Variants in NACC2 observed in about 807,000 individuals in gnomAD.
NACC2 encodes NACC family member 2, also known as nucleus accumbens-associated protein 2.
Under a neutral mutation model 25.1 loss-of-function variants are expected in NACC2, and 8 were observed. That is an observed-to-expected ratio of 0.32 (90% CI 0.19 to 0.57). The LOEUF is 0.57. NACC2 is among the 20% of genes least tolerant of loss of function. The pLI is 0.89. For missense variants in NACC2, 644 were observed against 650.2 expected (o/e 0.99, Z 0.10); for synonymous variants, 435 against 294.7 (o/e 1.48, Z -4.88).
intron 1 of NACC2, among the ~76,000 whole-genome samples, chr9:136,062,923 A>G (rs765504532): frequency 1.3e-5 from 2 of 152,208 alleles, no homozygotes; most frequent in Non-Finnish European, 2.9e-5. Context: ...TCTCTAAATA[A>G]GTAAATAAAT....
chr9:136,015,820 G>A (rs1840191331), intron 3 of NACC2, among the ~76,000 whole-genome samples: 1 of 152,214 alleles, frequency 6.6e-6, no homozygotes, highest in East Asian at 1.9e-4. Context: ...CAACACAAAA[G>A]GTAAATTCCT....
At chr9:136,091,769 G>C (rs571978870) in intron 1 of NACC2, among the ~76,000 whole-genome samples, 1 of 152,234 alleles carries the variant, frequency 6.6e-6, no homozygotes, top group East Asian at 1.9e-4. Context: ...CCAGCCAGGA[G>C]GCATATTTTA....
intron 2 of NACC2, among the ~76,000 whole-genome samples, chr9:136,034,862 G>A (rs1468675258): frequency 6.6e-6 from 1 of 152,168 alleles, no homozygotes; most frequent in Non-Finnish European, 1.5e-5. Flanking sequence ...GGAAGGCACT[G>A]GCGGGCCGAT....
chr9:136,081,778 G>C (rs1193596472), intron 1 of NACC2, among the ~76,000 whole-genome samples: 1 of 152,032 alleles, frequency 6.6e-6, no homozygotes, highest in African/African-American at 2.4e-5. Context: ...CCCTGACCAA[G>C]CTCCCTCTAC....
rs1364787156 is a variant in NACC2, at chr9:136,018,886, C to T, written c.887-2457G>A. Among the ~76,000 whole-genome samples the T allele has an allele frequency of 6.6e-6, 1 of 152,146 alleles. No individual in the cohort carries two copies. The highest frequency in any genetic ancestry group is 2.4e-5 in the African/African-American group (1 of 41,416). On this transcript the variant is annotated intron_variant, in intron 2 of 5. Coordinates refer to ENST00000277554, the MANE Select transcript of NACC2 (RefSeq NM_144653.5). This position sits in a 1 kb window ranked among gnomAD's most constrained non-coding sequence, Gnocchi z 4.4. ...CGTGGCATTTACATAAAGAGTTCAC[C>T]AACAGAAATAATTCCCCATCCACAA...
rs1333142874 is a variant in NACC2, at chr9:136,074,773, G to A, written c.-60+20416C>T. ...CTGTGACTCCCAGAGGGCCCATGTC[G>A]GTGGTCACATTCTGTTCCCAGCTCA... is the stretch of plus-strand genomic sequence containing the variant. On this transcript the variant is annotated intron_variant, in intron 1 of 5. Transcript: ENST00000277554. Among the ~76,000 whole-genome samples, 5 of 152,062 alleles carry A rather than the reference G, an allele frequency of 3.3e-5. No homozygotes were observed. In the East Asian group the frequency reaches 5.8e-4, roughly 18 times the overall value.
At chr9:136,030,089 G>A (rs373614816) in intron 2 of NACC2, among the ~76,000 whole-genome samples, 1 of 152,260 alleles carries the variant, frequency 6.6e-6, no homozygotes, top group East Asian at 1.9e-4. Context: ...TAGCCAGGCT[G>A]GTCTTGAACT....
Position 136,033,997 on chromosome 9 carries a change from G to A in NACC2, c.886+15639C>T, listed in dbSNP as rs1046762196. Reference sequence around the variant, plus strand: ...TATGAAAATGCAAAAAATAGCCAACGCAAGGCAAATCATAAGGAACTCAAA... The same window carrying A: ...TATGAAAATGCAAAAAATAGCCAACACAAGGCAAATCATAAGGAACTCAAA... On this transcript the variant is annotated intron_variant, in intron 2 of 5. Coordinates refer to ENST00000277554, the MANE Select transcript of NACC2 (RefSeq NM_144653.5). Among the ~76,000 whole-genome samples the A allele has an allele frequency of 5.8e-4, 87 of 150,638 alleles. 1 individual carries two copies. Among genetic ancestry groups the A allele is most frequent in the Admixed American group, 1.5e-3 (23 of 15,032 alleles).
intron 2 of NACC2, among the ~76,000 whole-genome samples, chr9:136,046,749 G>A (rs975673018): frequency 1.1e-4 from 17 of 152,214 alleles, no homozygotes; most frequent in African/African-American, 4.1e-4. Context: ...CCTTCTGACG[G>A]GTGGTGACGC....
intron 1 of NACC2, among the ~76,000 whole-genome samples, chr9:136,082,037 G>A (rs1023096394): frequency 4.6e-5 from 7 of 152,276 alleles, no homozygotes; most frequent in African/African-American, 1.4e-4. Context: ...CAACCTCACT[G>A]GGCCCATTTC....
Position 136,013,165 on chromosome 9 carries a change from G to GCCCCCCCCCC in NACC2, c.1255+33_1255+34insGGGGGGGGGG. 84 of 706,738 alleles carry GCCCCCCCCCC rather than the reference G, an allele frequency of 1.2e-4. No individual in the cohort carries two copies. Among genetic ancestry groups the GCCCCCCCCCC allele is most frequent in the South Asian group, 2.9e-4 (21 of 71,700 alleles). The allele number at this position is 706,738 out of a possible 1,614,324, so 43.8% of individuals were successfully genotyped here. A position where few individuals can be genotyped will look rare whatever the true frequency, so the allele number is the denominator to read the frequency against. On this transcript the variant is annotated intron_variant, in intron 5 of 5. Transcript: ENST00000277554. This position sits in a 1 kb window ranked among gnomAD's most constrained non-coding sequence, Gnocchi z 6.6. ...AGGCTGGGATCTGAACCCAGCCCCGGCCCCACCCACCCGAGAGACCCCCAG... is the reference window on the plus strand; with the variant it reads ...AGGCTGGGATCTGAACCCAGCCCCGGCCCCCCCCCCCCCCACCCACCCGAGAGACCCCCAG...
intron 2 of NACC2, among the ~76,000 whole-genome samples, chr9:136,037,562 C>G (rs1013084730): frequency 1.7e-4 from 26 of 149,956 alleles, no homozygotes; most frequent in African/African-American, 5.9e-4. Flanking sequence ...GGCTGGAGTA[C>G]AGTGGTGCAA....
chr9:136,080,705 T>C (rs1830313627), intron 1 of NACC2, among the ~76,000 whole-genome samples: 1 of 151,428 alleles, frequency 6.6e-6, no homozygotes, highest in South Asian at 2.1e-4. Flanking sequence ...GGTCGTGGAG[T>C]GTGGGTTAGC....
chr9:136,039,829 C>T (rs1431208627), intron 2 of NACC2, among the ~76,000 whole-genome samples: 2 of 151,928 alleles, frequency 1.3e-5, no homozygotes, highest in African/African-American at 4.8e-5. Flanking sequence ...ATATGTTCCC[C>T]CCGAGAGAGA....
At chr9:136,028,937 G>T (rs1840435626) in intron 2 of NACC2, among the ~76,000 whole-genome samples, 1 of 152,242 alleles carries the variant, frequency 6.6e-6, no homozygotes, top group South Asian at 2.1e-4. Context: ...GCCCCCTCTG[G>T]ATGTTGGGCA....
intron 1 of NACC2, among the ~76,000 whole-genome samples, chr9:136,090,353 C>T (rs969855336): frequency 6.6e-6 from 1 of 152,104 alleles, no homozygotes; most frequent in Non-Finnish European, 1.5e-5. Context: ...CGCAGAAGAA[C>T]CAAGGAAGGC....
intron 1 of NACC2, among the ~76,000 whole-genome samples, chr9:136,076,520 G>T (rs746308207): frequency 6.6e-6 from 1 of 152,146 alleles, no homozygotes; most frequent in Admixed American, 6.6e-5. Flanking sequence ...GCAGAACGGA[G>T]GTTTCCAGGG....
At chr9:136,021,877 T>C (rs1168398960) in intron 2 of NACC2, among the ~76,000 whole-genome samples, 2 of 152,204 alleles carry the variant, frequency 1.3e-5, no homozygotes, top group Admixed American at 6.5e-5. Flanking sequence ...TTGTATGACA[T>C]TGTCCAGGAA....
chr9:136,043,681 C>T (rs921613148), intron 2 of NACC2, among the ~76,000 whole-genome samples: 1 of 152,164 alleles, frequency 6.6e-6, no homozygotes, highest in Non-Finnish European at 1.5e-5. Context: ...CCCGTGGGGC[C>T]AGGATGGGGT....
Sources: gnomAD v4.1 joint callset for allele counts (sites outside exome capture counted in the v4.1 genomes callset) on GRCh38, gnomAD v4.1.1 for gene constraint, Gnocchi (gnomAD v3.1) non-coding constraint, MANE v1.5 for transcripts, NCBI Gene and HGNC (gene_info 2026-07-23, HGNC 2026-07-21) for gene names.